PCDH15: variants seen among roughly 807,000 people sequenced by gnomAD.
The protein encoded by PCDH15 is protocadherin related 15, also known as protocadherin-15.
Under a neutral mutation model 178.5 loss-of-function variants are expected in PCDH15, and 129 were observed. The ratio of observed to expected loss-of-function variants is 0.72; its 90% CI spans 0.63 to 0.84. The LOEUF (loss-of-function observed/expected upper bound fraction) is 0.84, where lower values mean the gene tolerates loss of function less well. Among genes scored for constraint, PCDH15 ranks in the 40% least tolerant of loss-of-function variants. The probability of loss-of-function intolerance (pLI) is 0.00; values close to 1 mark genes in which losing one functional copy is unlikely to be tolerated. For missense variants in PCDH15, 2,230 were observed against 2,099.9 expected (o/e 1.06, Z -1.21); for synonymous variants, 800 against 732.0 (o/e 1.09, Z -1.50).
intron 9 of PCDH15, among the ~76,000 whole-genome samples, chr10:54,223,366 A>G (rs931071487): frequency 1.3e-5 from 2 of 148,700 alleles, no homozygotes; most frequent in Non-Finnish European, 3.0e-5. Context: ...AATCTTTACC[A>G]ATATTATCTT....
chr10:54,207,843 T>C lies in PCDH15; in HGVS notation c.1098+6093A>G, dbSNP rs533473823. ...AAGGTAAAACAGATATAGTCATTTG[T>C]CTTAACCATTCCCTCTTATTTAGTG... On this transcript the variant is annotated intron_variant, in intron 10 of 37. Transcript: ENST00000644397. 7.9e-5 allele frequency among the ~76,000 whole-genome samples: 12 copies of C among 152,270 alleles called. No individual in the cohort carries two copies. The South Asian group carries it at 2.5e-3, about 32-fold the overall frequency.
intron 3 of PCDH15, among the ~76,000 whole-genome samples, chr10:54,885,229 C>T (rs1305828796): frequency 6.6e-6 from 1 of 151,878 alleles, no homozygotes; most frequent in Non-Finnish European, 1.5e-5. Flanking sequence ...TATCCTATTC[C>T]TAGAAAAATT....
At chr10:55,101,686 C>A in intron 2 of PCDH15, among the ~76,000 whole-genome samples, 1 of 151,198 alleles carries the variant, frequency 6.6e-6, no homozygotes. Flanking sequence ...GAGTTTAGAT[C>A]ATTTAAAAAT....
Position 54,853,287 on chromosome 10 carries a change from G to GTATATATATATATA in PCDH15, c.-29+44162_-29+44163insTATATATATATATA, listed in dbSNP as rs372294767. 5.5e-4 allele frequency among the ~76,000 whole-genome samples: 31 copies of GTATATATATATATA among 56,554 alleles called. 1 individual carries two copies. The highest frequency in any genetic ancestry group is 1.8e-3 in the African/African-American group (26 of 14,420). The allele number at this position is 56,554 out of a possible 152,430, so 37.1% of individuals were successfully genotyped here. On this transcript the variant is annotated intron_variant, in intron 3 of 5. Transcript: ENST00000458638. ...AATATATATATATGTGTATGTATGT[G>GTATATATATATATA]TGTATATATATATATATATATATAT...
intron 1 of PCDH15, among the ~76,000 whole-genome samples, chr10:55,226,616 A>G (rs1464171774): frequency 6.6e-6 from 1 of 151,908 alleles, no homozygotes; most frequent in Non-Finnish European, 1.5e-5. Context: ...TCCTGACCTC[A>G]GGTGATCCGC....
intron 1 of PCDH15, among the ~76,000 whole-genome samples, chr10:54,792,790 A>T (rs528401245): frequency 1.0e-3 from 159 of 151,976 alleles, no homozygotes; most frequent in Non-Finnish European, 1.8e-3. Context: ...CCTATTTGTC[A>T]CCTATCTAAT....
chr10:54,850,356 T>G (rs1383847575), intron 3 of PCDH15, among the ~76,000 whole-genome samples: 1 of 152,128 alleles, frequency 6.6e-6, no homozygotes, highest in Non-Finnish European at 1.5e-5. Context: ...AGTTTCTTAG[T>G]GGTGATTTGT....
intron 3 of PCDH15, among the ~76,000 whole-genome samples, chr10:54,480,109 T>C (rs1187103650): frequency 6.6e-6 from 1 of 152,116 alleles, no homozygotes; most frequent in Non-Finnish European, 1.5e-5. Context: ...TGCTAGCTAG[T>C]TGGTAGAATC....
chr10:54,298,142 G>A (rs966081356), intron 8 of PCDH15, among the ~76,000 whole-genome samples: 12 of 152,128 alleles, frequency 7.9e-5, no homozygotes, highest in African/African-American at 2.2e-4. Context: ...CTCATGGAAA[G>A]GAAGAAAATC....
At chr10:55,529,624 A>G (rs1841397526) in intron 2 of PCDH15, among the ~76,000 whole-genome samples, 1 of 150,698 alleles carries the variant, frequency 6.6e-6, no homozygotes, top group Admixed American at 6.7e-5. Context: ...ATATACAGGT[A>G]TTAGGGTGAT....
chr10:55,370,851 T>G (rs2131989258), intron 2 of PCDH15, among the ~76,000 whole-genome samples: 1 of 152,224 alleles, frequency 6.6e-6, no homozygotes, highest in South Asian at 2.1e-4. Context: ...GCATAGCTAT[T>G]ACTTCTCATG....
chr10:55,013,379 T>C (rs1738099974), intron 2 of PCDH15, among the ~76,000 whole-genome samples: 1 of 152,200 alleles, frequency 6.6e-6, no homozygotes, highest in East Asian at 1.9e-4. Flanking sequence ...TATCAAAATC[T>C]AAAATTTCTG....
intron 17 of PCDH15, among the ~76,000 whole-genome samples, chr10:54,067,736 T>C (rs2094164453): frequency 7.0e-6 from 1 of 143,646 alleles, no homozygotes; most frequent in Non-Finnish European, 1.6e-5. Flanking sequence ...AAACCTGGTA[T>C]GCTATGGTAT....
chr10:55,186,112 C>G (rs1839793308), intron 1 of PCDH15, among the ~76,000 whole-genome samples: 1 of 151,018 alleles, frequency 6.6e-6, no homozygotes, highest in Admixed American at 6.6e-5. Flanking sequence ...AAGACTGAAG[C>G]CTATTTGAGT....
At chr10:54,384,019 A>G (rs1949613036) in intron 3 of PCDH15, among the ~76,000 whole-genome samples, 1 of 135,052 alleles carries the variant, frequency 7.4e-6, no homozygotes, top group Non-Finnish European at 1.6e-5. Flanking sequence ...TTTTTAGTGG[A>G]GATGGGGTTC....
chr10:54,497,667 C>T (rs1258739730), intron 3 of PCDH15, among the ~76,000 whole-genome samples: 1 of 151,958 alleles, frequency 6.6e-6, no homozygotes, highest in Non-Finnish European at 1.5e-5. Context: ...AATAATAAAG[C>T]ATTAATAATA....
intron 3 of PCDH15, among the ~76,000 whole-genome samples, chr10:54,423,403 T>G (rs1319069586): frequency 2.0e-5 from 3 of 151,546 alleles, no homozygotes; most frequent in Non-Finnish European, 4.4e-5. Context: ...CGAAAGGGAG[T>G]TAGGTGAGAG....
intron 2 of PCDH15, among the ~76,000 whole-genome samples, chr10:54,543,895 C>T (rs2085542614): frequency 6.6e-6 from 1 of 152,184 alleles, no homozygotes; most frequent in Admixed American, 6.5e-5. Flanking sequence ...AATGCACTTT[C>T]TCTAAGAGCA....
intron 21 of PCDH15, among the ~76,000 whole-genome samples, chr10:53,993,973 T>C (rs2091687005): frequency 6.6e-6 from 1 of 152,234 alleles, no homozygotes; most frequent in Non-Finnish European, 1.5e-5. Flanking sequence ...AAATTACTAC[T>C]GGGAGTGCAA....
Sources: gnomAD v4.1 joint callset for allele counts (sites outside exome capture counted in the v4.1 genomes callset) on GRCh38, gnomAD v4.1.1 for gene constraint, MANE v1.5 for transcripts, NCBI Gene and HGNC (gene_info 2026-07-23, HGNC 2026-07-21) for gene names.